RGS7: variants seen among roughly 807,000 people sequenced by gnomAD.
RGS7 encodes regulator of G protein signaling 7.
Under a neutral mutation model 81.1 loss-of-function variants are expected in RGS7, and 27 were observed. That is an observed-to-expected ratio of 0.33 (90% CI 0.25 to 0.46). RGS7 has a LOEUF of 0.46. RGS7 is among the 20% of genes least tolerant of loss of function. The pLI, the probability that RGS7 is intolerant of heterozygous loss-of-function variation, is 1.00. For synonymous variants in RGS7, 208 were observed against 207.7 expected (o/e 1.00, Z -0.01); for missense variants, 396 against 607.4 (o/e 0.65, Z 3.66).
intron 9 of RGS7, among the ~76,000 whole-genome samples, chr1:240,834,547 A>G (rs1694359629): frequency 1.3e-5 from 2 of 152,060 alleles, no homozygotes; most frequent in African/African-American, 2.4e-5. Flanking sequence ...GTCTCGCTCC[A>G]CCGCCCAGAC....
chr1:240,967,574 G>GA (rs1283015846), intron 4 of RGS7, among the ~76,000 whole-genome samples: 1 of 131,262 alleles, frequency 7.6e-6, no homozygotes, highest in Non-Finnish European at 1.7e-5. Context: ...GAAGTGGGGG[G>GA]GGGGGGGAAA....
At chr1:241,123,668 T>C (rs577290757) in intron 2 of RGS7, among the ~76,000 whole-genome samples, 28 of 152,264 alleles carry the variant, frequency 1.8e-4, no homozygotes, top group Non-Finnish European at 3.4e-4. Flanking sequence ...GGAGAATCAC[T>C]TGAACCCGGG....
At chr1:241,034,275 C>A (rs2060223676) in intron 3 of RGS7, among the ~76,000 whole-genome samples, 1 of 152,178 alleles carries the variant, frequency 6.6e-6, no homozygotes, top group Non-Finnish European at 1.5e-5. Context: ...GAATAAGCCC[C>A]ATTCATACGC....
intron 2 of RGS7, among the ~76,000 whole-genome samples, chr1:241,333,779 T>C (rs2082094912): frequency 6.6e-6 from 1 of 152,110 alleles, no homozygotes; most frequent in African/African-American, 2.4e-5. Context: ...TTAGCAAGAT[T>C]ATTAAAAAGC....
At chr1:241,200,366 C>T (rs1468299239) in intron 2 of RGS7, among the ~76,000 whole-genome samples, 48 of 152,028 alleles carry the variant, frequency 3.2e-4, no homozygotes, top group Admixed American at 3.1e-3. Flanking sequence ...AGGTACTGCT[C>T]AATGAATTTT....
chr1:240,937,022 C>T (rs1676746383), intron 4 of RGS7, among the ~76,000 whole-genome samples: 1 of 152,190 alleles, frequency 6.6e-6, no homozygotes, highest in African/African-American at 2.4e-5. Context: ...GGTCTTCCAG[C>T]CAAAACTACA....
chr1:241,151,565 C>CT (rs58097674), intron 2 of RGS7, among the ~76,000 whole-genome samples: 12,299 of 116,310 alleles, frequency 0.11, 1,377 homozygotes, highest in African/African-American at 0.28. Flanking sequence ...ATTAGGAACT[C>CT]TTTTTTTTTT....
chr1:241,053,457 C>A (rs1379331245), intron 3 of RGS7, among the ~76,000 whole-genome samples: 1 of 152,100 alleles, frequency 6.6e-6, no homozygotes, highest in African/African-American at 2.4e-5. Flanking sequence ...CTAATTTTGG[C>A]AATTTGAAAA....
chr1:241,318,944 A>G (rs2081051551), intron 2 of RGS7, among the ~76,000 whole-genome samples: 1 of 152,220 alleles, frequency 6.6e-6, no homozygotes, highest in Non-Finnish European at 1.5e-5. Flanking sequence ...TTAACAAAAA[A>G]GCAGAAAAAG....
chr1:240,819,943 G>A (rs1292394252), intron 10 of RGS7, among the ~76,000 whole-genome samples: 1 of 152,198 alleles, frequency 6.6e-6, no homozygotes, highest in Non-Finnish European at 1.5e-5. Flanking sequence ...TGGGGATAGT[G>A]ATAGCGTTTA....
chr1:241,004,101 A>G (rs1413554353), intron 3 of RGS7, among the ~76,000 whole-genome samples: 1 of 152,228 alleles, frequency 6.6e-6, no homozygotes, highest in Non-Finnish European at 1.5e-5. Flanking sequence ...ATTTCTACCC[A>G]GAAGGACTTC....
At position 240,802,921 on chromosome 1, in the gene RGS7, G is replaced by T. The variant is rs1307354409; in HGVS notation, c.1342C>A (p.Leu448Ile). 1 of 1,610,336 alleles carries T rather than the reference G, an allele frequency of 6.2e-7. No individual in the cohort carries two copies. ...FIRSSAYQEL[L>I]QAKKKSGNSM... Reference sequence around the variant, plus strand: ...ACCAGTACCTTTTTCTTTGCCTGTAGAAGCTCCTGATAGGCACTGGATCTT... The same window carrying T: ...ACCAGTACCTTTTTCTTTGCCTGTATAAGCTCCTGATAGGCACTGGATCTT... Residue 448 changes from leucine (L) to isoleucine (I), a missense_variant, in exon 16 of 19, where the codon CTA (leucine) becomes ATA (isoleucine). Physicochemically the swap from Leu to Ile is conservative, Grantham distance 5 (BLOSUM62 2). Transcript: ENST00000440928.
At chr1:241,307,860 T>G (rs1342961120) in intron 2 of RGS7, among the ~76,000 whole-genome samples, 1 of 152,066 alleles carries the variant, frequency 6.6e-6, no homozygotes, top group Non-Finnish European at 1.5e-5. Flanking sequence ...CTCCATAACA[T>G]TGGGTGGGTG....
At chr1:240,919,070 T>C (rs1420366226) in intron 6 of RGS7, among the ~76,000 whole-genome samples, 1 of 152,166 alleles carries the variant, frequency 6.6e-6, no homozygotes, top group Non-Finnish European at 1.5e-5. Context: ...TTATACTTAT[T>C]GAAGAAATTG....
intron 6 of RGS7, among the ~76,000 whole-genome samples, chr1:240,906,220 T>G (rs1026270853): frequency 1.3e-5 from 2 of 152,148 alleles, no homozygotes; most frequent in African/African-American, 2.4e-5. Flanking sequence ...CTTTGATGAC[T>G]CCTCCTGTGT....
chr1:241,093,127 ATG>A (rs1297612760), intron 3 of RGS7, among the ~76,000 whole-genome samples: 1 of 152,162 alleles, frequency 6.6e-6, no homozygotes, highest in Non-Finnish European at 1.5e-5. Context: ...CATGAAGGAA[ATG>A]TCTTTTAGTA....
chr1:240,842,768 TTCC>T (rs531836929), intron 9 of RGS7, among the ~76,000 whole-genome samples: 7 of 152,268 alleles, frequency 4.6e-5, no homozygotes, highest in South Asian at 2.1e-4. Flanking sequence ...CCTTCCTTCC[TTCC>T]TTTTTCTTTC....
chr1:241,047,187 G>A (rs898658187), intron 3 of RGS7, among the ~76,000 whole-genome samples: 3 of 152,116 alleles, frequency 2.0e-5, no homozygotes, highest in African/African-American at 4.8e-5. Flanking sequence ...ACGTATCTCC[G>A]TAGTTGCTCC....
At chr1:241,200,064 C>G (rs1182312677) in intron 2 of RGS7, among the ~76,000 whole-genome samples, 1 of 152,104 alleles carries the variant, frequency 6.6e-6, no homozygotes, top group African/African-American at 2.4e-5. Context: ...ATGAATTTTA[C>G]TGAAATTATT....
Sources: gnomAD v4.1 joint callset for allele counts (sites outside exome capture counted in the v4.1 genomes callset) on GRCh38, gnomAD v4.1.1 for gene constraint, MANE v1.5 for transcripts, NCBI Gene and HGNC (gene_info 2026-07-23, HGNC 2026-07-21) for gene names.